Variants in PPFIA2 observed in about 807,000 individuals in gnomAD.
The protein encoded by PPFIA2 is PPFI scaffold protein A2.
In PPFIA2, 46 loss-of-function variants were observed where a neutral mutation model predicts 175.5. That is an observed-to-expected ratio of 0.26 (90% CI 0.21 to 0.34). The LOEUF is 0.34. PPFIA2 is among the 10% of genes least tolerant of loss of function. The pLI, the probability that PPFIA2 is intolerant of heterozygous loss-of-function variation, is 1.00. For missense variants in PPFIA2, 1,179 were observed against 1,506.1 expected, an observed-to-expected ratio of 0.78 and a Z score of 3.60; for synonymous variants, 568 against 511.4, an observed-to-expected ratio of 1.11 and a Z score of -1.49.
intron 3 of PPFIA2, among the ~76,000 whole-genome samples, chr12:81,694,946 C>A (rs2075721459): frequency 6.6e-6 from 1 of 152,178 alleles, no homozygotes. Flanking sequence ...TGACTATCCT[C>A]TTTGGTTTCA....
At chr12:81,480,683 G>A (rs575314341) in intron 4 of PPFIA2, among the ~76,000 whole-genome samples, 2 of 152,206 alleles carry the variant, frequency 1.3e-5, no homozygotes, top group East Asian at 3.9e-4. Context: ...CTGCAGGTCT[G>A]CTTGAGTTTG....
chr12:81,700,023 T>G (rs913009194), intron 3 of PPFIA2, among the ~76,000 whole-genome samples: 1 of 152,056 alleles, frequency 6.6e-6, no homozygotes, highest in Admixed American at 6.6e-5. Context: ...TGTCTTCATC[T>G]TTCATGAAAA....
rs2059799897 is a variant in PPFIA2, at chr12:81,494,505, A to T, written c.304-36639T>A. Among the ~76,000 whole-genome samples the T allele has an allele frequency of 1.8e-4, 27 of 152,056 alleles. No individual in the cohort carries two copies. In the South Asian group the frequency reaches 5.6e-3, roughly 32 times the overall value. ...TTTTACACTGTTGGTGGGACTGTAA[A>T]CTAGTTCAACCATTGTGGAAGTCAG... On this transcript the variant is annotated intron_variant, in intron 4 of 32. Coordinates refer to ENST00000549396, the MANE Select transcript of PPFIA2 (RefSeq NM_003625.5).
At chr12:81,336,639 T>C (rs2057178230) in intron 21 of PPFIA2, among the ~76,000 whole-genome samples, 1 of 152,204 alleles carries the variant, frequency 6.6e-6, no homozygotes, top group African/African-American at 2.4e-5. Context: ...TATTTCTTTA[T>C]AGACATGTAG....
chr12:81,458,306 T>C (rs1279565550), intron 4 of PPFIA2, among the ~76,000 whole-genome samples: 2 of 151,784 alleles, frequency 1.3e-5, no homozygotes, highest in Admixed American at 1.3e-4. Context: ...ATTAACAAAT[T>C]TATTTGTTAA....
At chr12:81,421,522 A>T (rs1385936277) in intron 7 of PPFIA2, among the ~76,000 whole-genome samples, 1 of 152,046 alleles carries the variant, frequency 6.6e-6, no homozygotes, top group Non-Finnish European at 1.5e-5. Context: ...CACAAATAAA[A>T]TTCCCACAAT....
intron 4 of PPFIA2, among the ~76,000 whole-genome samples, chr12:81,515,008 A>G (rs2062235685): frequency 6.6e-6 from 1 of 151,948 alleles, no homozygotes; most frequent in Non-Finnish European, 1.5e-5. Flanking sequence ...AAGATCATAT[A>G]CAGCTAAAAT....
chr12:81,304,116 TA>T (rs1251583870), intron 22 of PPFIA2, among the ~76,000 whole-genome samples: 5 of 152,202 alleles, frequency 3.3e-5, no homozygotes, highest in African/African-American at 1.2e-4. Context: ...TTCCTTTCTA[TA>T]TCCATCCTTC....
In PPFIA2 at chr12:81,422,774, G is replaced by T. The variant is rs545430657; in HGVS notation, c.646-16871C>A. The stretch of plus-strand genomic sequence containing the variant: ...GAATTCAAGATGAGATTTGGGTGGG[G>T]ACACAGCCAAATCATATCACCACTC... On this transcript the variant is annotated intron_variant, in intron 7 of 32. Coordinates refer to ENST00000549396, the MANE Select transcript of PPFIA2 (RefSeq NM_003625.5). 2.6e-5 allele frequency among the ~76,000 whole-genome samples: 4 copies of T among 152,120 alleles called. No individual in the cohort carries two copies. In the East Asian group the frequency reaches 7.7e-4, roughly 29 times the overall value.
chr12:81,588,104 C>A (rs1012481762), intron 4 of PPFIA2, among the ~76,000 whole-genome samples: 1 of 151,714 alleles, frequency 6.6e-6, no homozygotes, highest in Non-Finnish European at 1.5e-5. Context: ...ATACACATAT[C>A]TTTATTATGG....
At chr12:81,731,306 GT>G (rs2080874864) in intron 3 of PPFIA2, among the ~76,000 whole-genome samples, 1 of 151,602 alleles carries the variant, frequency 6.6e-6, no homozygotes, top group Non-Finnish European at 1.5e-5. Context: ...ACTTTCCAGT[GT>G]TTTTTCCATT....
intron 4 of PPFIA2, among the ~76,000 whole-genome samples, chr12:81,589,164 A>C (rs1171831750): frequency 6.6e-6 from 1 of 152,006 alleles, no homozygotes; most frequent in Admixed American, 6.6e-5. Context: ...GTGAATTAAC[A>C]ATGAGAATAA....
intron 4 of PPFIA2, among the ~76,000 whole-genome samples, chr12:81,544,297 A>G (rs1391029264): frequency 2.0e-5 from 3 of 152,130 alleles, no homozygotes; most frequent in Non-Finnish European, 4.4e-5. Flanking sequence ...CAGGTTTCCT[A>G]CAAGAATGTT....
intron 28 of PPFIA2, chr12:81,270,916 T>C (rs545086593): frequency 1.3e-5 from 2 of 152,378 alleles, no homozygotes; most frequent in South Asian, 4.1e-4. Context: ...TGCTATATCT[T>C]TCCTTCTATT....
chr12:81,592,813 T>C (rs1349436417), intron 4 of PPFIA2, among the ~76,000 whole-genome samples: 1 of 81,340 alleles, frequency 1.2e-5, no homozygotes, highest in Non-Finnish European at 2.7e-5. Context: ...TGGAATTCAC[T>C]GGTGCGATCT....
At chr12:81,451,172 T>C (rs937744957) in intron 5 of PPFIA2, among the ~76,000 whole-genome samples, 1 of 152,180 alleles carries the variant, frequency 6.6e-6, no homozygotes, top group East Asian at 1.9e-4. Context: ...TGTGTGAATA[T>C]ATATATATAA....
At chr12:81,417,235 A>T (rs2045453269) in intron 7 of PPFIA2, 1 of 151,720 alleles carries the variant, frequency 6.6e-6, no homozygotes, top group Non-Finnish European at 1.5e-5. Context: ...AGTCTCTTAA[A>T]ATGTTACACT....
At chr12:81,641,938 G>A (rs2065022502) in intron 4 of PPFIA2, among the ~76,000 whole-genome samples, 2 of 152,052 alleles carry the variant, frequency 1.3e-5, no homozygotes, top group African/African-American at 4.8e-5. Context: ...TTTTGTACTT[G>A]CATACTATAT....
At chr12:81,430,191 C>G (rs2047849641) in intron 7 of PPFIA2, 1 of 152,000 alleles carries the variant, frequency 6.6e-6, no homozygotes, top group Non-Finnish European at 1.5e-5. Context: ...AATTTCATGT[C>G]CTTCATTTGT....
Sources: gnomAD v4.1 joint callset for allele counts (sites outside exome capture counted in the v4.1 genomes callset) on GRCh38, gnomAD v4.1.1 for gene constraint, MANE v1.5 for transcripts, NCBI Gene and HGNC (gene_info 2026-07-23, HGNC 2026-07-21) for gene names.